Variants in SPTLC1 observed in about 807,000 individuals in gnomAD.
The protein encoded by SPTLC1 is serine palmitoyltransferase long chain base subunit 1.
Under a neutral mutation model 68.9 loss-of-function variants are expected in SPTLC1, and 55 were observed. The observed-to-expected ratio is 0.80, with a 90% confidence interval of 0.64 to 1.00. SPTLC1 has a LOEUF of 1.00. Among genes scored for constraint, SPTLC1 ranks in the 50% least tolerant of loss-of-function variants. SPTLC1 has a pLI of 0.00. For missense variants in SPTLC1, 449 were observed against 573.1 expected (o/e 0.78, Z 2.21); for synonymous variants, 197 against 201.6 (o/e 0.98, Z 0.19).
At chr9:92,080,437 C>T (rs375757820) in intron 4 of SPTLC1, among the ~76,000 whole-genome samples, 2 of 152,236 alleles carry the variant, frequency 1.3e-5, no homozygotes, top group South Asian at 2.1e-4. Context: ...TAACACTGAG[C>T]CACATAAGAG....
intron 12 of SPTLC1, among the ~76,000 whole-genome samples, chr9:92,040,555 C>A (rs1359785933): frequency 1.3e-5 from 2 of 151,410 alleles, no homozygotes; most frequent in Admixed American, 6.6e-5. Flanking sequence ...GTCAGGAGTT[C>A]AAGACCAGCC....
chr9:92,093,205 C>T (rs1835427327), intron 3 of SPTLC1, among the ~76,000 whole-genome samples: 1 of 152,064 alleles, frequency 6.6e-6, no homozygotes, highest in Non-Finnish European at 1.5e-5. Flanking sequence ...AAAAGTCATG[C>T]AATGATCTTA....
At chr9:92,053,611 G>A (rs12005575) in intron 8 of SPTLC1, among the ~76,000 whole-genome samples, 5,362 of 152,252 alleles carry the variant, frequency 0.035, 222 homozygotes, top group Middle Eastern at 0.12. Context: ...CTGATACATG[G>A]TATACAATGT....
At position 92,115,126 on chromosome 9, in the gene SPTLC1, C is replaced by T. The variant is rs112361944; in HGVS notation, c.57+188G>A. The T allele has an allele frequency of 3.6e-5, 21 of 590,796 alleles. 1 individual carries two copies. Among genetic ancestry groups the T allele is most frequent in the African/African-American group, 2.8e-4 (15 of 53,790 alleles). The allele number at this position is 590,796 out of a possible 1,614,324, so 36.6% of individuals were successfully genotyped here. On this transcript the variant is annotated intron_variant, in intron 1 of 14. Transcript: ENST00000262554. ...GAGACCCTCAGTCCCAGCCCCCGCCCCCGCCCGTTCCTCCCTACACTCAAC... is the reference window on the plus strand; with the variant it reads ...GAGACCCTCAGTCCCAGCCCCCGCCTCCGCCCGTTCCTCCCTACACTCAAC...
intron 3 of SPTLC1, among the ~76,000 whole-genome samples, chr9:92,107,509 T>G (rs1205852895): frequency 1.3e-5 from 2 of 152,192 alleles, no homozygotes; most frequent in African/African-American, 4.8e-5. Context: ...TCCCAGCACT[T>G]TGGGAGGCCG....
intron 9 of SPTLC1, among the ~76,000 whole-genome samples, chr9:92,049,505 ACACG>A (rs572664570): frequency 1.9e-4 from 29 of 152,240 alleles, no homozygotes; most frequent in Middle Eastern, 3.4e-3. Flanking sequence ...ATGCACACAC[ACACG>A]CACGCACGCG....
intron 9 of SPTLC1, 69 bp downstream of exon 9, chr9:92,049,891 T>C (rs955771479): frequency 1.8e-5 from 19 of 1,045,766 alleles, no homozygotes; most frequent in Admixed American, 1.0e-4. Flanking sequence ...TATAAAAATA[T>C]AGGCCTAGCA....
intron 5 of SPTLC1, among the ~76,000 whole-genome samples, chr9:92,069,648 G>A (rs1006612074): frequency 6.6e-6 from 1 of 152,182 alleles, no homozygotes; most frequent in Admixed American, 6.5e-5. Context: ...TTACTCTTGG[G>A]TATGTCTTCC....
intron 5 of SPTLC1, among the ~76,000 whole-genome samples, chr9:92,073,029 G>A (rs1346404648): frequency 2.0e-5 from 3 of 149,694 alleles, no homozygotes; most frequent in African/African-American, 5.0e-5. Context: ...ACCCCTTTAC[G>A]TCCCTCCCAT....
At chr9:92,056,655 T>C (rs559363824) in intron 7 of SPTLC1, among the ~76,000 whole-genome samples, 2 of 152,324 alleles carry the variant, frequency 1.3e-5, no homozygotes, top group South Asian at 4.1e-4. Flanking sequence ...GATCCACAGA[T>C]AGAGTTTGCC....
At chr9:92,088,782 G>C (rs773822965) in intron 3 of SPTLC1, among the ~76,000 whole-genome samples, 1 of 152,162 alleles carries the variant, frequency 6.6e-6, no homozygotes, top group Non-Finnish European at 1.5e-5. Context: ...CAAAGTTTCC[G>C]GTGAGAAATG....
intron 6 of SPTLC1, among the ~76,000 whole-genome samples, 193 bp downstream of exon 6, chr9:92,067,773 G>A (rs1834345415): frequency 6.6e-6 from 1 of 152,156 alleles, no homozygotes; most frequent in African/African-American, 2.4e-5. Flanking sequence ...GCAGATAAAT[G>A]ACTATAGACA....
intron 5 of SPTLC1, among the ~76,000 whole-genome samples, chr9:92,071,934 T>G (rs932682700): frequency 2.6e-5 from 4 of 152,224 alleles, no homozygotes; most frequent in African/African-American, 9.6e-5. Context: ...TGTGACATTC[T>G]TCCCCTACCT....
chr9:92,115,399 T>A lies in SPTLC1; in HGVS notation c.-29A>T. 6.2e-7 allele frequency: 1 copy of A among 1,611,736 alleles called. No individual in the cohort carries two copies. The highest frequency in any genetic ancestry group is 8.5e-7 in the Non-Finnish European group (1 of 1,178,730). On this transcript the variant is annotated 5_prime_UTR_variant, in exon 1 of 15. Transcript: ENST00000262554. ...TAGCCGCTTCCTTCCGGAAGGCGGG[T>A]CACAAGCGCGTCCCAAAAGTGCGCG... is the stretch of plus-strand genomic sequence containing the variant.
chr9:92,111,593 G>T (rs1181772568), intron 2 of SPTLC1: 1 of 152,076 alleles, frequency 6.6e-6, no homozygotes, highest in Non-Finnish European at 1.5e-5. Context: ...CCCCCTAATA[G>T]AATATATATC....
chr9:92,069,755 T>C (rs1350728391), intron 5 of SPTLC1, among the ~76,000 whole-genome samples: 2 of 152,196 alleles, frequency 1.3e-5, no homozygotes, highest in Admixed American at 1.3e-4. Flanking sequence ...GTGCTTCTAA[T>C]TGAAAGTATC....
chr9:92,051,339 C>T lies in SPTLC1; in HGVS notation c.781-1272G>A, dbSNP rs1282261443. 8.5e-6 allele frequency: 7 copies of T among 824,792 alleles called. No homozygotes were observed. In the East Asian group the frequency reaches 5.0e-4, roughly 59 times the overall value. The allele number at this position is 824,792 out of a possible 1,614,324, so 51.1% of individuals were successfully genotyped here. A position where few individuals can be genotyped will look rare whatever the true frequency, so the allele number is the denominator to read the frequency against. On this transcript the variant is annotated intron_variant, in intron 8 of 14. Transcript: ENST00000262554. Reference sequence around the variant, plus strand: ...ACATGGAAAAATCAAATATGTATTACATACACATTAGAAGAATGTAGGGGG... The same window carrying T: ...ACATGGAAAAATCAAATATGTATTATATACACATTAGAAGAATGTAGGGGG...
At chr9:92,048,187 C>T (rs768983675) in intron 9 of SPTLC1, among the ~76,000 whole-genome samples, 3 of 152,252 alleles carry the variant, frequency 2.0e-5, no homozygotes, top group Non-Finnish European at 2.9e-5. Context: ...AACGTCATGG[C>T]GATGGAATCT....
intron 3 of SPTLC1, 102 bp from the exon 4 acceptor site, chr9:92,081,065 C>CA (rs1215645094): frequency 3.9e-4 from 327 of 830,312 alleles, no homozygotes; most frequent in Non-Finnish European, 1.3e-4. Context: ...GTCATCCTAC[C>CA]CTATTTGCAT....
Sources: gnomAD v4.1 joint callset for allele counts (sites outside exome capture counted in the v4.1 genomes callset) on GRCh38, gnomAD v4.1.1 for gene constraint, MANE v1.5 for transcripts, NCBI Gene and HGNC (gene_info 2026-07-23, HGNC 2026-07-21) for gene names.